Variants in MEIS2 observed in about 807,000 individuals in gnomAD.
The protein encoded by MEIS2 is homeobox protein Meis2.
In MEIS2, 9 loss-of-function variants were observed where a neutral mutation model predicts 58.6. The observed-to-expected ratio is 0.15, with a 90% CI of 0.09 to 0.27. The LOEUF (loss-of-function observed/expected upper bound fraction) is 0.27. Ranked by LOEUF, MEIS2 falls within the 10% of genes least tolerant of loss-of-function variation. MEIS2 has a pLI of 1.00. For missense variants in MEIS2, 427 were observed against 635.0 expected (o/e 0.67, Z 3.52); for synonymous variants, 221 against 228.4 (o/e 0.97, Z 0.29).
Position 37,094,398 on chromosome 15 carries a change from G to A in MEIS2, c.489+129C>T. ...TGTGTTGAGAAGCGAGTTGAAGGAT[G>A]GACATGGTTACATGCTCAAAATCTC... On this transcript the variant is annotated intron_variant, in intron 5 of 11. Coordinates refer to ENST00000561208, the MANE Select transcript of MEIS2 (RefSeq NM_170675.5). 3.6e-6 allele frequency: 3 copies of A among 839,026 alleles called. No individual in the cohort carries two copies. In the South Asian group the frequency reaches 5.5e-5, roughly 15 times the overall value. The allele number at this position is 839,026 out of a possible 1,614,324, so 52.0% of individuals were successfully genotyped here. A position where few individuals can be genotyped will look rare whatever the true frequency, so the allele number is the denominator to read the frequency against.
chr15:37,022,838 G>T (rs1313737954), intron 8 of MEIS2, among the ~76,000 whole-genome samples: 1 of 151,560 alleles, frequency 6.6e-6, no homozygotes, highest in Non-Finnish European at 1.5e-5. Flanking sequence ...TGTATTTTTA[G>T]TAGAGACGGG....
At chr15:37,037,771 C>T (rs1289661308) in intron 7 of MEIS2, among the ~76,000 whole-genome samples, 2 of 152,244 alleles carry the variant, frequency 1.3e-5, no homozygotes, top group South Asian at 2.1e-4. Context: ...CATTGCAGGA[C>T]CCCTACTTTC....
chr15:37,075,332 C>T (rs570850112), intron 7 of MEIS2, among the ~76,000 whole-genome samples: 148 of 151,912 alleles, frequency 9.7e-4, no homozygotes, highest in Non-Finnish European at 9.9e-4. Context: ...AAATAGAAAC[C>T]TAAAATTTAA....
intron 8 of MEIS2, 48 bp downstream of exon 8, chr15:37,036,766 A>G: frequency 6.3e-7 from 1 of 1,588,182 alleles, no homozygotes; most frequent in South Asian, 1.2e-5. Context: ...ATAACTTGCT[A>G]GCAAAACAAC....
At chr15:36,948,736 G>C (rs752307739) in intron 9 of MEIS2, among the ~76,000 whole-genome samples, 1 of 151,902 alleles carries the variant, frequency 6.6e-6, no homozygotes, top group Non-Finnish European at 1.5e-5. Context: ...TCAGACCACT[G>C]ATAACTTGTG....
chr15:37,087,898 A>C (rs1318836882), intron 6 of MEIS2, among the ~76,000 whole-genome samples: 1 of 152,176 alleles, frequency 6.6e-6, no homozygotes, highest in East Asian at 1.9e-4. Flanking sequence ...AAGTGTTTGT[A>C]AATAAATACA....
intron 9 of MEIS2, among the ~76,000 whole-genome samples, chr15:36,932,863 G>A (rs561897875): frequency 1.8e-4 from 27 of 152,184 alleles, no homozygotes; most frequent in Non-Finnish European, 3.7e-4. Flanking sequence ...AAAAAGTGAT[G>A]GACAAAGGAA....
chr15:37,017,306 G>C (rs987894657), intron 8 of MEIS2, among the ~76,000 whole-genome samples: 1 of 152,082 alleles, frequency 6.6e-6, no homozygotes, highest in Non-Finnish European at 1.5e-5. Context: ...AAGAATAATC[G>C]TCTACACAGA....
intron 8 of MEIS2, among the ~76,000 whole-genome samples, chr15:37,016,808 T>C: frequency 6.6e-6 from 1 of 152,206 alleles, no homozygotes; most frequent in Non-Finnish European, 1.5e-5. Flanking sequence ...AACTAGCAGA[T>C]GGATTTCCAC....
intron 7 of MEIS2, among the ~76,000 whole-genome samples, chr15:37,046,616 G>A (rs1273395006): frequency 6.6e-6 from 1 of 152,102 alleles, no homozygotes; most frequent in Non-Finnish European, 1.5e-5. Flanking sequence ...AGTTTTGCAC[G>A]CCTGTATTTT....
At chr15:36,938,236 C>CA (rs2058246649) in intron 9 of MEIS2, among the ~76,000 whole-genome samples, 1 of 152,152 alleles carries the variant, frequency 6.6e-6, no homozygotes, top group Non-Finnish European at 1.5e-5. Context: ...CCCAGGACTG[C>CA]AATAACATCT....
At chr15:36,973,655 G>A (rs1353199926) in intron 8 of MEIS2, among the ~76,000 whole-genome samples, 1 of 152,124 alleles carries the variant, frequency 6.6e-6, no homozygotes, top group African/African-American at 2.4e-5. Flanking sequence ...CAGGTTTGGT[G>A]CTTTGCACAT....
intron 11 of MEIS2, 71 bp from the exon 12 acceptor site, chr15:36,892,530 G>GAAAAA: frequency 3.8e-6 from 2 of 528,126 alleles, no homozygotes; most frequent in Non-Finnish European, 2.8e-6. Context: ...CATCAAAGAT[G>GAAAAA]AAAAGAAAAA....
At chr15:37,091,658 C>A (rs1567287449) in intron 6 of MEIS2, among the ~76,000 whole-genome samples, 1 of 152,148 alleles carries the variant, frequency 6.6e-6, no homozygotes, top group East Asian at 1.9e-4. Context: ...TTACAATAGT[C>A]TCATAAATTG....
In MEIS2 at chr15:37,099,703, T is replaced by C. The variant is rs1410928954; in HGVS notation, c.-237A>G. 4.3e-6 allele frequency: 2 copies of C among 470,570 alleles called. No homozygotes were observed. The highest frequency in any genetic ancestry group is 7.5e-6 in the Non-Finnish European group (2 of 266,186). The allele number at this position is 470,570 out of a possible 1,614,324, so 29.1% of individuals were successfully genotyped here. A position where few individuals can be genotyped will look rare whatever the true frequency, so the allele number is the denominator to read the frequency against. The stretch of plus-strand genomic sequence containing the variant: ...TTTTTCCTCTTCTTCCTCCTCCTCC[T>C]GATCTTCCTCCTCCTCCTCCACCTC... On this transcript the variant is annotated 5_prime_UTR_variant, in exon 1 of 12. Transcript: ENST00000561208.
intron 9 of MEIS2, among the ~76,000 whole-genome samples, chr15:36,946,888 T>C (rs916817552): frequency 6.6e-6 from 1 of 152,022 alleles, no homozygotes. Context: ...CATCATGCTA[T>C]ATTACCTTTA....
At chr15:37,095,453 G>C (rs932410993) in intron 4 of MEIS2, 111 bp downstream of exon 4, 1 of 1,523,264 alleles carries the variant, frequency 6.6e-7, no homozygotes, top group Non-Finnish European at 9.1e-7. Flanking sequence ...TCTCCCTAGA[G>C]CTCCAAAAGA....
chr15:36,893,196 C>A (rs1026983158), intron 11 of MEIS2, among the ~76,000 whole-genome samples: 1 of 152,196 alleles, frequency 6.6e-6, no homozygotes, highest in Non-Finnish European at 1.5e-5. Flanking sequence ...GGTGGGAAGT[C>A]AGCAATTGTA....
intron 9 of MEIS2, among the ~76,000 whole-genome samples, chr15:36,899,709 T>C (rs755599981): frequency 1.3e-5 from 2 of 152,232 alleles, no homozygotes; most frequent in Non-Finnish European, 2.9e-5. Context: ...TATGGAAAAA[T>C]GTAACTTGCT....
Sources: gnomAD v4.1 joint callset for allele counts (sites outside exome capture counted in the v4.1 genomes callset) on GRCh38, gnomAD v4.1.1 for gene constraint, MANE v1.5 for transcripts, NCBI Gene and HGNC (gene_info 2026-07-23, HGNC 2026-07-21) for gene names.